TERF2: variants seen among roughly 807,000 people sequenced by gnomAD.
TERF2 encodes the protein telomeric repeat-binding factor 2.
Under a neutral mutation model 56.1 loss-of-function variants are expected in TERF2, and 16 were observed. The observed-to-expected ratio is 0.29, with a 90% CI of 0.19 to 0.43. TERF2 has a LOEUF of 0.43. Among genes scored for constraint, TERF2 ranks in the 20% least tolerant of loss-of-function variants. TERF2 has a pLI of 1.00. For synonymous variants in TERF2, 296 were observed against 282.1 expected (o/e 1.05, Z -0.50); for missense variants, 547 against 712.9 (o/e 0.77, Z 2.65).
chr16:69,381,892 T>C (rs550955562), intron 3 of TERF2, among the ~76,000 whole-genome samples: 1 of 151,480 alleles, frequency 6.6e-6, no homozygotes, highest in Non-Finnish European at 1.5e-5. Flanking sequence ...CTTTTTTAAA[T>C]TTTTTTTTAA....
rs139440532 is a variant in TERF2 at position 69,368,958 on chromosome 16, G to A, written c.841-476C>T. Among the ~76,000 whole-genome samples the A allele has an allele frequency of 3.3e-5, 5 of 152,284 alleles. No homozygotes were observed. In the East Asian group the frequency reaches 7.7e-4, roughly 24 times the overall value. On this transcript the variant is annotated intron_variant, in intron 5 of 9. Transcript: ENST00000254942. ...CCCATAGTGCTGGGATTACAGGCAT[G>A]AGCCACCATGCCCGGCAATAAATGT...
At chr16:69,378,575 T>G (rs2013879911) in intron 3 of TERF2, among the ~76,000 whole-genome samples, 3 of 152,198 alleles carry the variant, frequency 2.0e-5, no homozygotes, top group Admixed American at 1.3e-4. Flanking sequence ...TGTTCACACC[T>G]GGAGTGCACT....
At chr16:69,361,789 C>A (rs2013150606) in intron 7 of TERF2, among the ~76,000 whole-genome samples, 1 of 151,678 alleles carries the variant, frequency 6.6e-6, no homozygotes, top group Admixed American at 6.6e-5. Flanking sequence ...GGTTTTGACT[C>A]TTTTAAAGGT....
intron 3 of TERF2, among the ~76,000 whole-genome samples, chr16:69,382,247 A>G (rs2014030762): frequency 6.6e-6 from 1 of 152,268 alleles, no homozygotes; most frequent in South Asian, 2.1e-4. Flanking sequence ...GAAAGATTCA[A>G]TATACTTTTA....
chr16:69,385,975 A>G lies in TERF2; in HGVS notation c.-4T>C. On this transcript the variant is annotated 5_prime_UTR_variant, in exon 1 of 10. Coordinates refer to ENST00000254942, the MANE Select transcript of TERF2 (RefSeq NM_005652.5). ...CCGTCCCGGCTCCCGCGGCCATGAT[A>G]GAAACAGCGTTCCGAGCCGCCCGCG... The G allele has an allele frequency of 1.5e-6, 2 of 1,336,650 alleles. No individual in the cohort carries two copies. Among genetic ancestry groups the G allele is most frequent in the East Asian group, 3.1e-5 (1 of 31,994 alleles). The allele number at this position is 1,336,650 out of a possible 1,614,324, so 82.8% of individuals were successfully genotyped here. A position where few individuals can be genotyped will look rare whatever the true frequency, so the allele number is the denominator to read the frequency against.
At chr16:69,380,445 G>A (rs2142763767) in intron 3 of TERF2, among the ~76,000 whole-genome samples, 1 of 151,830 alleles carries the variant, frequency 6.6e-6, no homozygotes, top group East Asian at 2.0e-4. Context: ...TGGATCATGA[G>A]GTCAGGAGTG....
In TERF2 at chr16:69,356,042, A is replaced by G. The variant is rs114396464; in HGVS notation, c.*856T>C. On this transcript the variant is annotated 3_prime_UTR_variant, in exon 10 of 10. Coordinates refer to ENST00000254942, the MANE Select transcript of TERF2 (RefSeq NM_005652.5). ...GTTGACAGCAAATGCCAAGGCAGAC[A>G]GGTCTAGGGTTGATGTCACGACTGG... The G allele has an allele frequency of 8.3e-3, 2,590 of 313,788 alleles. 65 individuals are homozygous for G. The highest frequency in any genetic ancestry group is 0.053 in the African/African-American group (2,428 of 45,462). 19.4% of individuals were successfully genotyped at this position (313,788 alleles called of 1,614,324 possible). A position where few individuals can be genotyped will look rare whatever the true frequency, so the allele number is the denominator to read the frequency against.
intron 9 of TERF2, 61 bp from the exon 10 acceptor site, chr16:69,357,117 C>A: frequency 1.3e-6 from 2 of 1,521,938 alleles, no homozygotes; most frequent in Non-Finnish European, 1.8e-6. Context: ...TACATTTTCT[C>A]CAATGTAGTG....
chr16:69,385,011 A>T (rs911180522), intron 2 of TERF2, among the ~76,000 whole-genome samples: 4 of 152,200 alleles, frequency 2.6e-5, no homozygotes, highest in Non-Finnish European at 5.9e-5. Flanking sequence ...GAGTGGCAAG[A>T]AACTGACAAC....
At chr16:69,378,190 T>A (rs1361283135) in intron 3 of TERF2, among the ~76,000 whole-genome samples, 1 of 152,208 alleles carries the variant, frequency 6.6e-6, no homozygotes, top group Non-Finnish European at 1.5e-5. Flanking sequence ...CTACACTGAT[T>A]GATTTTCAAA....
At chr16:69,369,958 G>A (rs2013502535) in intron 5 of TERF2, among the ~76,000 whole-genome samples, 1 of 152,210 alleles carries the variant, frequency 6.6e-6, no homozygotes, top group African/African-American at 2.4e-5. Flanking sequence ...ATGTGTAAAG[G>A]AGATAAAAAT....
intron 3 of TERF2, among the ~76,000 whole-genome samples, chr16:69,378,264 T>C (rs2142758721): frequency 6.6e-6 from 1 of 152,306 alleles, no homozygotes; most frequent in South Asian, 2.1e-4. Flanking sequence ...TAACTGCATC[T>C]GCACCCAGGG....
intron 3 of TERF2, among the ~76,000 whole-genome samples, chr16:69,372,884 C>A (rs74372881): frequency 0.012 from 1,881 of 152,198 alleles, 18 homozygotes; most frequent in Non-Finnish European, 0.016. Context: ...GCTGATAGAG[C>A]AAAATCTGAT....
intron 3 of TERF2, among the ~76,000 whole-genome samples, chr16:69,379,015 T>C (rs9925836): frequency 0.029 from 4,377 of 151,966 alleles, 214 homozygotes; most frequent in African/African-American, 0.1. Flanking sequence ...GAAGTAAGTA[T>C]AGTTTCTTCT....
At chr16:69,368,872 C>T (rs889039056) in intron 5 of TERF2, among the ~76,000 whole-genome samples, 15 of 152,036 alleles carry the variant, frequency 9.9e-5, no homozygotes, top group African/African-American at 3.6e-4. Context: ...GACGGGGTTT[C>T]ACCATGTTGG....
intron 3 of TERF2, among the ~76,000 whole-genome samples, chr16:69,372,794 G>T (rs2013626376): frequency 1.3e-5 from 2 of 152,152 alleles, no homozygotes; most frequent in South Asian, 4.2e-4. Context: ...TATTGTTCAA[G>T]TGTTATGAAC....
At chr16:69,368,721 G>A in intron 5 of TERF2, 1 of 937,892 alleles carries the variant, frequency 1.1e-6, no homozygotes, top group Non-Finnish European at 1.5e-6. Flanking sequence ...CTGTCGCCCA[G>A]GCTGCAGCAC....
rs2012889608 is a variant in TERF2 at position 69,356,193 on chromosome 16, T to G, written c.*705A>C. 1 of 455,456 alleles carries G rather than the reference T, an allele frequency of 2.2e-6. No homozygotes were observed. The highest frequency in any genetic ancestry group is 4.4e-6 in the Non-Finnish European group (1 of 226,660). The allele number at this position is 455,456 out of a possible 1,614,324, so 28.2% of individuals were successfully genotyped here. ...AGAACTTGACGTGGAACAAATTTAC[T>G]CCAAATAATACTCACATTGCTGGTT... On this transcript the variant is annotated 3_prime_UTR_variant, in exon 10 of 10. Coordinates refer to ENST00000254942, the MANE Select transcript of TERF2 (RefSeq NM_005652.5).
chr16:69,385,352 C>T, intron 2 of TERF2, 39 bp downstream of exon 2: 1 of 1,550,840 alleles, frequency 6.4e-7, no homozygotes, highest in Non-Finnish European at 8.9e-7. Context: ...CAAAACCCTA[C>T]GCAAGTAAGC....
Sources: gnomAD v4.1 joint callset for allele counts (sites outside exome capture counted in the v4.1 genomes callset) on GRCh38, gnomAD v4.1.1 for gene constraint, MANE v1.5 for transcripts, NCBI Gene and HGNC (gene_info 2026-07-23, HGNC 2026-07-21) for gene names.